CHRNA4: variants seen among roughly 807,000 people sequenced by gnomAD.
CHRNA4 encodes the protein neuronal acetylcholine receptor subunit alpha-4.
In CHRNA4, 28 loss-of-function variants were observed where a neutral mutation model predicts 48.9. The ratio of observed to expected loss-of-function variants is 0.57; its 90% confidence interval spans 0.42 to 0.79. The LOEUF is 0.79. Among genes scored for constraint, CHRNA4 ranks in the 30% least tolerant of loss-of-function variants. The pLI, the probability that CHRNA4 is intolerant of heterozygous loss-of-function variation, is 0.00. For missense variants in CHRNA4, 859 were observed against 898.4 expected (o/e 0.96, Z 0.56); for synonymous variants, 425 against 402.3 (o/e 1.06, Z -0.68).
intron 4 of CHRNA4, chr20:63,355,407 G>A: frequency 2.5e-6 from 2 of 811,614 alleles, no homozygotes; most frequent in South Asian, 1.4e-5. Flanking sequence ...GTTTGCTGGG[G>A]ACCTGGCGTG....
chr20:63,355,657 G>T (rs539072096), intron 4 of CHRNA4: 3 of 1,163,144 alleles, frequency 2.6e-6, no homozygotes, highest in Non-Finnish European at 3.5e-6. Flanking sequence ...CTCAGGACTG[G>T]TCCAGGCAGG....
At chr20:63,359,917 G>GTA in intron 1 of CHRNA4, 4 of 517,468 alleles carry the variant, frequency 7.7e-6, no homozygotes, top group Non-Finnish European at 1.4e-5. Context: ...GTGTGTGTGT[G>GTA]TGTGTGTGTG....
At chr20:63,351,812 G>A (rs1012461138) in intron 4 of CHRNA4, among the ~76,000 whole-genome samples, 1 of 152,236 alleles carries the variant, frequency 6.6e-6, no homozygotes, top group African/African-American at 2.4e-5. Flanking sequence ...GAGCAATGGA[G>A]CGAGGGGCTG....
intron 4 of CHRNA4, chr20:63,355,717 C>T (rs561073250): frequency 4.6e-5 from 38 of 833,744 alleles, no homozygotes; most frequent in Middle Eastern, 3.5e-4. Context: ...CCGGCTCTGA[C>T]GCTCCAGTGC....
intron 5 of CHRNA4, among the ~76,000 whole-genome samples, chr20:63,348,473 G>A (rs2068530168): frequency 6.6e-6 from 1 of 152,228 alleles, no homozygotes. Flanking sequence ...CATGGGTATG[G>A]AGCACGGGCC....
Position 63,359,903 on chromosome 20 carries a change from G to GTGTGTGTGTGTGTGTGCCGGGCGTGCGC in CHRNA4, c.77-205_77-204insGCGCACGCCCGGCACACACACACACACA, listed in dbSNP as rs2068785307. The GTGTGTGTGTGTGTGTGCCGGGCGTGCGC allele has an allele frequency of 2.0e-3, 881 of 444,126 alleles. 7 individuals carry two copies. Among genetic ancestry groups the GTGTGTGTGTGTGTGTGCCGGGCGTGCGC allele is most frequent in the African/African-American group, 0.014 (483 of 34,158 alleles). The allele number at this position is 444,126 out of a possible 1,614,324, so 27.5% of individuals were successfully genotyped here. On this transcript the variant is annotated intron_variant, in intron 1 of 5. Transcript: ENST00000370263. Reference sequence around the variant, plus strand: ...TGTGTGTGCCGGGCGTGTGCTGTGTGTGTGTGTGTGTGTGTGTGTGTGTGT... The same window carrying GTGTGTGTGTGTGTGTGCCGGGCGTGCGC: ...TGTGTGTGCCGGGCGTGTGCTGTGTGTGTGTGTGTGTGTGTGCCGGGCGTGCGCTGTGTGTGTGTGTGTGTGTGTGTGT...
rs1462268330 is a variant in CHRNA4, at chr20:63,344,475, G to T, written c.*2263C>A. ...GTGGTGGGAATATGGTGCTTTATTTGGATTTTTTTTTTGAGCCTCAAAAAA... is the reference window on the plus strand; with the variant it reads ...GTGGTGGGAATATGGTGCTTTATTTTGATTTTTTTTTTGAGCCTCAAAAAA... On this transcript the variant is annotated 3_prime_UTR_variant, in exon 6 of 6. Coordinates refer to ENST00000370263, the MANE Select transcript of CHRNA4 (RefSeq NM_000744.7). The surrounding 1 kb of genome is among the most constrained non-coding windows in gnomAD (Gnocchi z 4.5). 3.9e-5 allele frequency: 17 copies of T among 439,070 alleles called. No individual in the cohort carries two copies. Among genetic ancestry groups the T allele is most frequent in the Non-Finnish European group, 6.8e-5 (15 of 221,660 alleles). 27.2% of individuals were successfully genotyped at this position (439,070 alleles called of 1,614,324 possible). A position where few individuals can be genotyped will look rare whatever the true frequency, so the allele number is the denominator to read the frequency against.
intron 4 of CHRNA4, chr20:63,355,364 G>C: frequency 2.0e-6 from 1 of 496,472 alleles, no homozygotes; most frequent in Non-Finnish European, 3.4e-6. Context: ...CTAGGAGCCT[G>C]ACATGGGCTT....
At chr20:63,347,840 C>T (rs1046690384) in intron 5 of CHRNA4, among the ~76,000 whole-genome samples, 3 of 152,162 alleles carry the variant, frequency 2.0e-5, no homozygotes, top group Admixed American at 1.3e-4. Context: ...GGGACAGTGC[C>T]GCCTCCTGCT....
rs2068812501 is a variant in CHRNA4 at position 63,361,105 on chromosome 20, T to C, written c.61A>G (p.Thr21Ala). ...LLPPLLLLLG[T>A]GLLRASSHVE... ...CGTAACTTACCGCGCAGGAGGCCGG[T>C]CCCCAGAAGCAGCAGCAGCGGCGGC... is the stretch of plus-strand genomic sequence containing the variant. Residue 21 changes from threonine (T) to alanine (A), a missense_variant, in exon 1 of 6, where the codon ACC becomes GCC. By Grantham distance (58) the Thr-to-Ala change is moderately conservative. Around this residue, in one of 3 missense-constraint regions of CHRNA4, gnomAD observed 342 missense variants for 365.3 expected, o/e 0.94. Coordinates refer to ENST00000370263, the MANE Select transcript of CHRNA4 (RefSeq NM_000744.7). 1 of 1,473,134 alleles carries C rather than the reference T, an allele frequency of 6.8e-7. No individual in the cohort carries two copies. Among genetic ancestry groups the C allele is most frequent in the Non-Finnish European group, 8.9e-7 (1 of 1,117,566 alleles). 91.3% of individuals were successfully genotyped at this position (1,473,134 alleles called of 1,614,324 possible).
At chr20:63,347,388 G>C (rs1010406251) in intron 5 of CHRNA4, among the ~76,000 whole-genome samples, 1 of 152,220 alleles carries the variant, frequency 6.6e-6, no homozygotes, top group Non-Finnish European at 1.5e-5. Flanking sequence ...TCTCTCACTC[G>C]AGCCTCCCCT....
At chr20:63,354,677 C>T in intron 4 of CHRNA4, 1 of 985,712 alleles carries the variant, frequency 1.0e-6, no homozygotes, top group Non-Finnish European at 1.2e-6. Context: ...TTCCTGGGGG[C>T]TGCATTCCTG....
chr20:63,344,263 T>G lies in CHRNA4; in HGVS notation c.*2475A>C. The stretch of plus-strand genomic sequence containing the variant: ...CCTCGAAGGTCGTGAGCCGGAGAGG[T>G]CAATCCACGGTGCTTAAGTCAGAGC... On this transcript the variant is annotated 3_prime_UTR_variant, in exon 6 of 6. Coordinates refer to ENST00000370263, the MANE Select transcript of CHRNA4 (RefSeq NM_000744.7). This position sits in a 1 kb window ranked among gnomAD's most constrained non-coding sequence, Gnocchi z 4.5. The G allele has an allele frequency of 4.4e-6, 2 of 453,344 alleles. No homozygotes were observed. Among genetic ancestry groups the G allele is most frequent in the Non-Finnish European group, 8.8e-6 (2 of 226,542 alleles). The allele number at this position is 453,344 out of a possible 1,614,324, so 28.1% of individuals were successfully genotyped here.
In CHRNA4 at chr20:63,344,242, G is replaced by C. The variant is rs775712921; in HGVS notation, c.*2496C>G. 6.6e-6 allele frequency: 3 copies of C among 453,922 alleles called. No homozygotes were observed. The Admixed American group carries it at 7.0e-5, about 11-fold the overall frequency. The allele number at this position is 453,922 out of a possible 1,614,324, so 28.1% of individuals were successfully genotyped here. On this transcript the variant is annotated 3_prime_UTR_variant, in exon 6 of 6. Coordinates refer to ENST00000370263, the MANE Select transcript of CHRNA4 (RefSeq NM_000744.7). The surrounding 1 kb of genome is among the most constrained non-coding windows in gnomAD (Gnocchi z 4.5). ...TCCAACTGCAGGATTCTGACTCCTC[G>C]AAGGTCGTGAGCCGGAGAGGTCAAT...
At chr20:63,359,413 T>C (rs2068766953) in intron 2 of CHRNA4, 135 bp downstream of exon 2, 1 of 1,164,670 alleles carries the variant, frequency 8.6e-7, no homozygotes, top group Non-Finnish European at 1.2e-6. Context: ...GCTGTCGTTC[T>C]GACGTACCAG....
At chr20:63,360,345 A>G (rs1171765338) in intron 1 of CHRNA4, among the ~76,000 whole-genome samples, 1 of 152,162 alleles carries the variant, frequency 6.6e-6, no homozygotes, top group Non-Finnish European at 1.5e-5. Flanking sequence ...ACGAGGTGCC[A>G]GCCCCCTCCG....
In CHRNA4 at chr20:63,359,578, G is replaced by T. The variant is rs201018244; in HGVS notation, c.198C>A (p.Phe66Leu). ...ANISDVVLVRFGLSIAQLIDV... is the reference protein window; with the variant it reads ...ANISDVVLVRLGLSIAQLIDV... Reference sequence around the variant, plus strand: ...CAATGAGCTGAGCGATGGACAGGCCGAAGCGGACGAGGACCACGTCCGAGA... The same window carrying T: ...CAATGAGCTGAGCGATGGACAGGCCTAAGCGGACGAGGACCACGTCCGAGA... The change falls in exon 2 of 6, where the codon TTC (phenylalanine) becomes TTA (leucine). Residue 66 changes from phenylalanine (F) to leucine (L), a missense_variant. Phe to Leu is a conservative substitution (Grantham distance 22). This residue lies in a region of CHRNA4 where 342 missense variants were observed against 365.3 expected (regional missense o/e 0.94). Transcript: ENST00000370263. 6 of 1,612,614 alleles carry T rather than the reference G, an allele frequency of 3.7e-6. No homozygotes were observed. Among genetic ancestry groups the T allele is most frequent in the Non-Finnish European group, 5.1e-6 (6 of 1,179,944 alleles).
In CHRNA4 at chr20:63,350,032, A is replaced by T. The variant is rs1160618355; in HGVS notation, c.1379T>A (p.Leu460Gln). Reference protein sequence around the residue: ...RPPHGTQAPGLAKARSLSVQH... With the variant: ...RPPHGTQAPGQAKARSLSVQH... ...GACGCTGAGGGACCTGGCTTTGGCC[A>T]GCCCTGGTGCCTGGGTGCCGTGGGG... The change falls in exon 5 of 6, where the codon CTG becomes CAG. Residue 460 changes from leucine (L) to glutamine (Q), a missense_variant. By Grantham distance (113) the Leu-to-Gln change is moderately radical. Transcript: ENST00000370263. 2.0e-6 allele frequency: 3 copies of T among 1,516,894 alleles called. No homozygotes were observed. The highest frequency in any genetic ancestry group is 2.6e-6 in the Non-Finnish European group (3 of 1,132,400). 94.0% of individuals were successfully genotyped at this position (1,516,894 alleles called of 1,614,324 possible).
At chr20:63,360,747 G>T (rs1243459594) in intron 1 of CHRNA4, among the ~76,000 whole-genome samples, 1 of 152,232 alleles carries the variant, frequency 6.6e-6, no homozygotes, top group East Asian at 1.9e-4. Context: ...GGTCTTCAGG[G>T]AAATTTAGCT....
Sources: allele counts gnomAD v4.1 joint callset (sites outside exome capture counted in the v4.1 genomes callset), GRCh38; gene constraint gnomAD v4.1.1; regional missense constraint gnomAD v4.1.1; non-coding constraint Gnocchi (gnomAD v3.1); transcripts MANE v1.5; gene names NCBI Gene and HGNC (gene_info 2026-07-23, HGNC 2026-07-21).